CLIC5: variants seen among roughly 807,000 people sequenced by gnomAD.
CLIC5 encodes chloride intracellular channel protein 5.
Under a neutral mutation model 24.7 loss-of-function variants are expected in CLIC5, and 20 were observed. The ratio of observed to expected loss-of-function variants is 0.81; its 90% confidence interval spans 0.57 to 1.18. CLIC5 has a LOEUF of 1.18. Ranked by LOEUF, CLIC5 falls within the 50% of genes most tolerant of loss-of-function variation. The pLI, the probability that CLIC5 is intolerant of heterozygous loss-of-function variation, is 0.00. For synonymous variants in CLIC5, 159 were observed against 135.6 expected (o/e 1.17, Z -1.20); for missense variants, 341 against 326.1 (o/e 1.05, Z -0.35).
intron 1 of CLIC5, among the ~76,000 whole-genome samples, chr6:45,962,749 C>G (rs1764893503): frequency 6.6e-6 from 1 of 152,172 alleles, no homozygotes; most frequent in Non-Finnish European, 1.5e-5. Flanking sequence ...TAGCGGGCTC[C>G]TTGGTTTACG....
chr6:45,883,576 A>G (rs1243623578), intron 6 of CLIC5, among the ~76,000 whole-genome samples: 1 of 152,150 alleles, frequency 6.6e-6, no homozygotes, highest in African/African-American at 2.4e-5. Flanking sequence ...TTTACTAAGA[A>G]CCTATAGTGT....
At chr6:46,045,920 C>A (rs1767940337) in intron 1 of CLIC5, among the ~76,000 whole-genome samples, 1 of 151,922 alleles carries the variant, frequency 6.6e-6, no homozygotes, top group African/African-American at 2.4e-5. Flanking sequence ...AAGGAACGCA[C>A]ATGAACATAA....
At chr6:46,104,827 A>T in the CLIC5 span, among the ~76,000 whole-genome samples, 6 of 152,320 alleles carry the variant, frequency 3.9e-5, no homozygotes, top group East Asian at 1.2e-3. Flanking sequence ...GACCTGAAAC[A>T]AAGTTAAAAG....
chr6:45,931,679 G>C (rs1215005764), intron 4 of CLIC5, among the ~76,000 whole-genome samples: 1 of 152,182 alleles, frequency 6.6e-6, no homozygotes, highest in Non-Finnish European at 1.5e-5. Context: ...TTGTTTTTGA[G>C]ATGGAATCTT....
At chr6:45,980,085 A>C (rs1310553851) in intron 1 of CLIC5, among the ~76,000 whole-genome samples, 1 of 151,190 alleles carries the variant, frequency 6.6e-6, no homozygotes, top group Non-Finnish European at 1.5e-5. Context: ...TATGTGGTGA[A>C]AGGTAGGGGT....
rs376576736 is a variant in CLIC5 at position 46,071,348 on chromosome 6, T to A, written c.540+8355A>T. Among the ~76,000 whole-genome samples the A allele has an allele frequency of 4.6e-5, 7 of 152,118 alleles. No homozygotes were observed. In the South Asian group the frequency reaches 1.2e-3, roughly 27 times the overall value. On this transcript the variant is annotated intron_variant, in intron 1 of 5. Coordinates refer to the CLIC5 transcript ENST00000185206. ...TCTGACAAAGATGTAATATCCAGCA[T>A]CTAAAAGGAACTTAAATTTTTTTTC...
chr6:46,071,146 C>T (rs1249638016), intron 1 of CLIC5, among the ~76,000 whole-genome samples: 1 of 152,110 alleles, frequency 6.6e-6, no homozygotes, highest in Non-Finnish European at 1.5e-5. Context: ...TAAGCAATAC[C>T]ATTCTGGGCA....
intron 1 of CLIC5, among the ~76,000 whole-genome samples, chr6:46,054,100 A>C (rs893368033): frequency 5.9e-5 from 9 of 152,136 alleles, no homozygotes; most frequent in African/African-American, 2.2e-4. Context: ...GTTTGCCCTC[A>C]AAATGATTTT....
intron 1 of CLIC5, among the ~76,000 whole-genome samples, chr6:45,973,117 A>C (rs1323194904): frequency 6.6e-6 from 1 of 152,214 alleles, no homozygotes; most frequent in Non-Finnish European, 1.5e-5. Flanking sequence ...GTTAGAAGCC[A>C]ACCAAACCTA....
intron 1 of CLIC5, among the ~76,000 whole-genome samples, chr6:45,969,802 T>TG (rs1561972765): frequency 6.7e-6 from 1 of 150,016 alleles, no homozygotes; most frequent in Non-Finnish European, 1.5e-5. Flanking sequence ...CAAGGTTTTT[T>TG]TTTTTTTTTT....
the CLIC5 span, among the ~76,000 whole-genome samples, chr6:46,099,079 T>G: frequency 2.0e-5 from 3 of 152,164 alleles, no homozygotes; most frequent in Non-Finnish European, 4.4e-5. Flanking sequence ...AGTTTTATCT[T>G]ATTAGAGAAA....
At chr6:45,936,559 G>T (rs913968552) in intron 4 of CLIC5, among the ~76,000 whole-genome samples, 10 of 152,002 alleles carry the variant, frequency 6.6e-5, no homozygotes, top group Admixed American at 6.6e-5. Context: ...CACTTATGAG[G>T]TATACACAGT....
chr6:45,982,101 C>T (rs566653831), intron 1 of CLIC5, among the ~76,000 whole-genome samples: 13 of 152,056 alleles, frequency 8.5e-5, no homozygotes, highest in East Asian at 1.9e-4. Flanking sequence ...ATATGAGAAA[C>T]GGGAAATGTG....
At chr6:46,110,329 C>T in the CLIC5 span, among the ~76,000 whole-genome samples, 1 of 152,192 alleles carries the variant, frequency 6.6e-6, no homozygotes, top group Non-Finnish European at 1.5e-5. Context: ...CTCAAACTGT[C>T]TTTTTCTCAA....
At chr6:45,947,130 A>T (rs1165943589) in intron 3 of CLIC5, among the ~76,000 whole-genome samples, 1 of 152,244 alleles carries the variant, frequency 6.6e-6, no homozygotes, top group African/African-American at 2.4e-5. Context: ...ACGAAGTCAG[A>T]TGATGACTCG....
chr6:45,905,412 G>T (rs137971857), intron 5 of CLIC5, among the ~76,000 whole-genome samples: 1 of 150,044 alleles, frequency 6.7e-6, no homozygotes, highest in African/African-American at 2.5e-5. Flanking sequence ...TAGCCATCCT[G>T]ACTGGTGTGA....
chr6:45,914,444 C>A (rs1762941982), intron 4 of CLIC5, 35 bp from the exon 5 acceptor site: 2 of 1,530,800 alleles, frequency 1.3e-6, no homozygotes, highest in East Asian at 4.6e-5. Flanking sequence ...TTTATTCAAA[C>A]TTCTTGCCAG....
rs149034871 is a variant in CLIC5, at chr6:46,074,456, G to C, written c.540+5247C>G. Among the ~76,000 whole-genome samples the C allele has an allele frequency of 1.1e-4, 16 of 152,232 alleles. No homozygotes were observed. The East Asian group carries it at 2.1e-3, about 20-fold the overall frequency. On this transcript the variant is annotated intron_variant, in intron 1 of 5. Transcript: ENST00000185206. ...GAATAATTCCTTTAGAATAATTATG[G>C]GCTATGAGTCTAAAAAGTATTAACC... is the stretch of plus-strand genomic sequence containing the variant.
At chr6:45,980,141 G>A (rs1322101091) in intron 1 of CLIC5, among the ~76,000 whole-genome samples, 2 of 151,976 alleles carry the variant, frequency 1.3e-5, no homozygotes, top group South Asian at 2.1e-4. Flanking sequence ...TCCCAGCACT[G>A]TTTATTGAAC....
Sources: gnomAD v4.1 joint callset for allele counts (sites outside exome capture counted in the v4.1 genomes callset) on GRCh38, gnomAD v4.1.1 for gene constraint, MANE v1.5 for transcripts, NCBI Gene and HGNC (gene_info 2026-07-23, HGNC 2026-07-21) for gene names.